Variants in ADRA1B observed in about 807,000 individuals in gnomAD.
ADRA1B encodes alpha-1B adrenergic receptor.
In ADRA1B, 17 loss-of-function variants were observed where a neutral mutation model predicts 17.9. That is an observed-to-expected ratio of 0.95 (90% CI 0.65 to 1.42). ADRA1B has a LOEUF of 1.42. Among genes scored for constraint, ADRA1B ranks in the 40% most tolerant of loss-of-function variants. The probability of loss-of-function intolerance (pLI) is 0.00; values close to 1 mark genes in which losing one functional copy is unlikely to be tolerated. For synonymous variants in ADRA1B, 366 were observed against 327.6 expected (o/e 1.12, Z -1.27); for missense variants, 681 against 722.1 (o/e 0.94, Z 0.65).
rs1483175770 is a variant in ADRA1B at position 159,972,987 on chromosome 5, C to T, written c.*495C>T. 6.6e-6 allele frequency among the ~76,000 whole-genome samples: 1 copy of T among 152,218 alleles called. No individual in the cohort carries two copies. Among genetic ancestry groups the T allele is most frequent in the African/African-American group, 2.4e-5 (1 of 41,458 alleles). ...ACTTTGGTGGGGTTGGAAACAAAGT[C>T]GACATTAAAGGTCATTTCTCCTGTT... is the stretch of plus-strand genomic sequence containing the variant. On this transcript the variant is annotated 3_prime_UTR_variant, in exon 2 of 2. Coordinates refer to ENST00000306675, the MANE Select transcript of ADRA1B (RefSeq NM_000679.4).
intron 1 of ADRA1B, among the ~76,000 whole-genome samples, chr5:159,940,382 A>C (rs1755094516): frequency 6.6e-6 from 1 of 152,124 alleles, no homozygotes; most frequent in African/African-American, 2.4e-5. Flanking sequence ...CCTCCAAGTG[A>C]CATGTGATTA....
chr5:159,870,567 C>T (rs1216603831), intron 1 of ADRA1B: 1 of 152,142 alleles, frequency 6.6e-6, no homozygotes, highest in Non-Finnish European at 1.5e-5. Context: ...GTATAAACTC[C>T]TGTAAGTGAA....
chr5:159,866,492 C>T (rs1331984990), intron 1 of ADRA1B, among the ~76,000 whole-genome samples: 1 of 151,108 alleles, frequency 6.6e-6, no homozygotes, highest in Non-Finnish European at 1.5e-5. Flanking sequence ...GAGGCTGAGG[C>T]AGGAGAATCA....
the ADRA1B span, among the ~76,000 whole-genome samples, chr5:159,978,136 C>T: frequency 6.6e-6 from 1 of 152,166 alleles, no homozygotes; most frequent in African/African-American, 2.4e-5. Flanking sequence ...TCCCCACACA[C>T]ACACTAGAAA....
At chr5:159,933,095 G>A (rs114547649) in intron 1 of ADRA1B, among the ~76,000 whole-genome samples, 3,728 of 152,186 alleles carry the variant, frequency 0.024, 159 homozygotes, top group African/African-American at 0.085. Flanking sequence ...GACATTTGAG[G>A]GTGCCCACAC....
chr5:159,888,409 A>C (rs1248881445), intron 1 of ADRA1B: 3 of 152,158 alleles, frequency 2.0e-5, no homozygotes, highest in African/African-American at 7.2e-5. Context: ...AATGGAGCCT[A>C]TTTGGAATAG....
intron 1 of ADRA1B, among the ~76,000 whole-genome samples, chr5:159,881,180 CAAAAAAAAAAAAAA>C (rs35928792): frequency 1.8e-5 from 1 of 56,828 alleles, no homozygotes; most frequent in Non-Finnish European, 3.6e-5. Flanking sequence ...GACTCCGTCT[CAAAAAAAAAAAAAA>C]AAAAAAAAAA....
At chr5:159,967,914 C>T (rs559380394) in intron 1 of ADRA1B, among the ~76,000 whole-genome samples, 1 of 152,218 alleles carries the variant, frequency 6.6e-6, no homozygotes, top group South Asian at 2.1e-4. Context: ...CATGGTGCTT[C>T]CAGTGTGATG....
the ADRA1B span, among the ~76,000 whole-genome samples, chr5:159,982,444 A>G: frequency 5.9e-5 from 9 of 152,330 alleles, no homozygotes; most frequent in Non-Finnish European, 8.8e-5. Flanking sequence ...CCAAAACTTA[A>G]TATCAACAAC....
chr5:159,865,592 A>G (rs548760227), intron 1 of ADRA1B, among the ~76,000 whole-genome samples: 1 of 152,184 alleles, frequency 6.6e-6, no homozygotes, highest in Non-Finnish European at 1.5e-5. Flanking sequence ...ACTGCATTGC[A>G]TTTTTCCAAC....
Position 159,917,422 on chromosome 5 carries a change from T to C in ADRA1B, c.517T>C (p.Ser173Pro). 1 of 1,614,096 alleles carries C rather than the reference T, an allele frequency of 6.2e-7. No homozygotes were observed. The highest frequency in any genetic ancestry group is 8.5e-7 in the Non-Finnish European group (1 of 1,180,012). Reference protein sequence around the residue: ...ILALLSVWVLSTVISIGPLLG... With the variant: ...ILALLSVWVLPTVISIGPLLG... ...GGCGCTGCTCAGTGTCTGGGTCTTG[T>C]CCACCGTCATCTCCATCGGGCCTCT... The change falls in exon 1 of 2, where the codon TCC (serine) becomes CCC (proline). Residue 173 changes from serine (S) to proline (P), a missense_variant. Around this residue, in one of 3 missense-constraint regions of ADRA1B, gnomAD observed 424 missense variants for 480.2 expected, o/e 0.88. Transcript: ENST00000306675.
At chr5:159,928,766 C>T (rs1262659243) in intron 1 of ADRA1B, among the ~76,000 whole-genome samples, 2 of 152,156 alleles carry the variant, frequency 1.3e-5, no homozygotes, top group Non-Finnish European at 2.9e-5. Flanking sequence ...AAGGGCAAGC[C>T]GGGCTCACTG....
the ADRA1B span, among the ~76,000 whole-genome samples, chr5:159,985,569 G>T: frequency 2.0e-5 from 3 of 152,350 alleles, no homozygotes; most frequent in East Asian, 5.8e-4. Flanking sequence ...TGTGTTCAGT[G>T]ACATTGTACC....
At chr5:159,964,370 G>A (rs1370364468) in intron 1 of ADRA1B, among the ~76,000 whole-genome samples, 2 of 152,154 alleles carry the variant, frequency 1.3e-5, no homozygotes, top group Non-Finnish European at 2.9e-5. Context: ...ACCACAGTCT[G>A]GAGCTATCCA....
At chr5:159,904,317 G>A (rs1754135577) in intron 1 of ADRA1B, among the ~76,000 whole-genome samples, 1 of 152,188 alleles carries the variant, frequency 6.6e-6, no homozygotes, top group African/African-American at 2.4e-5. Context: ...AACTTCTACA[G>A]TCCCTTCCAG....
rs141073150 is a variant in ADRA1B, at chr5:159,941,713, T to TATGG, written c.949+23861_949+23864dup. Among the ~76,000 whole-genome samples the TATGG allele has an allele frequency of 9.4e-3, 1,425 of 152,266 alleles. 20 individuals are homozygous for TATGG. The highest frequency in any genetic ancestry group is 0.033 in the African/African-American group (1,354 of 41,544). ...TTTGGCCAAAGAAAAGAGAACAAAGTATGGACACATGCTACCACACAGATG... is the reference window on the plus strand; with the variant it reads ...TTTGGCCAAAGAAAAGAGAACAAAGTATGGATGGACACATGCTACCACACAGATG... On this transcript the variant is annotated intron_variant, in intron 1 of 1. Coordinates refer to ENST00000306675, the MANE Select transcript of ADRA1B (RefSeq NM_000679.4).
intron 1 of ADRA1B, chr5:159,955,296 G>A (rs62377697): frequency 3.4e-5 from 22 of 650,322 alleles, no homozygotes; most frequent in Non-Finnish European, 3.8e-5. Context: ...CCAAACAAGC[G>A]AGAGGTGACA....
intron 1 of ADRA1B, among the ~76,000 whole-genome samples, chr5:159,963,204 C>G (rs1165766120): frequency 6.6e-6 from 1 of 150,660 alleles, no homozygotes; most frequent in Non-Finnish European, 1.5e-5. Context: ...AAGATAAGCA[C>G]AGTTGACATT....
chr5:159,934,093 G>A (rs868618190), intron 1 of ADRA1B, among the ~76,000 whole-genome samples: 115 of 152,360 alleles, frequency 7.5e-4, no homozygotes, highest in Admixed American at 4.1e-3. Flanking sequence ...GAAGCAAGGA[G>A]CTGGCTGCTT....
Sources: gnomAD v4.1 joint callset for allele counts (sites outside exome capture counted in the v4.1 genomes callset) on GRCh38, gnomAD v4.1.1 for gene constraint, gnomAD v4.1.1 regional missense constraint, MANE v1.5 for transcripts, NCBI Gene and HGNC (gene_info 2026-07-23, HGNC 2026-07-21) for gene names.